The following CCN4 variants were observed in gnomAD, a reference collection of about 807,000 sequenced individuals.
CCN4 encodes the protein cellular communication network factor 4.
In CCN4, 30 loss-of-function variants were observed where a neutral mutation model predicts 36.7. The ratio of observed to expected loss-of-function variants is 0.82; its 90% confidence interval spans 0.61 to 1.11. CCN4 has a LOEUF of 1.11. CCN4 is among the 50% of genes least tolerant of loss of function. CCN4 has a pLI of 0.00. For missense variants in CCN4, 505 were observed against 504.9 expected (o/e 1.00, Z 0.00); for synonymous variants, 191 against 195.4 (o/e 0.98, Z 0.19).
intron 2 of CCN4, among the ~76,000 whole-genome samples, chr8:133,218,412 C>A (rs1401231237): frequency 2.0e-5 from 3 of 152,168 alleles, no homozygotes; most frequent in African/African-American, 4.8e-5. Flanking sequence ...GCTGTGGTCA[C>A]CTTGGACGCT....
intron 1 of CCN4, among the ~76,000 whole-genome samples, chr8:133,208,404 C>G (rs981805873): frequency 6.6e-6 from 1 of 152,202 alleles, no homozygotes; most frequent in Admixed American, 6.5e-5. Flanking sequence ...AAAGCCTGGA[C>G]TGGATACAGT....
At chr8:133,197,874 G>A (rs1464839602) in intron 1 of CCN4, among the ~76,000 whole-genome samples, 1 of 152,178 alleles carries the variant, frequency 6.6e-6, no homozygotes, top group African/African-American at 2.4e-5. Flanking sequence ...TGTGTGCTAT[G>A]AGCCTGCCCA....
At position 133,225,441 on chromosome 8, in the gene CCN4, G is replaced by GC. The variant is rs1198574497; in HGVS notation, c.666dup (p.Trp223LeufsTer20). ...CACAGGAACTGCATAGCCTACACAA[G>GC]CCCCTGGAGCCCTTGCTCCACCAGC... On this transcript the variant is annotated frameshift_variant, in exon 4 of 5. Transcript: ENST00000250160. LOFTEE classifies it high-confidence loss of function. 6.2e-7 allele frequency: 1 copy of GC among 1,613,758 alleles called. No individual in the cohort carries two copies. The highest frequency in any genetic ancestry group is 8.5e-7 in the Non-Finnish European group (1 of 1,179,870).
At chr8:133,195,086 G>A (rs1853325827) in intron 1 of CCN4, among the ~76,000 whole-genome samples, 1 of 149,892 alleles carries the variant, frequency 6.7e-6, no homozygotes, top group Non-Finnish European at 1.5e-5. Context: ...GTGTGCTTGT[G>A]TGTGTGTGGT....
At chr8:133,191,374 C>G (rs1394570285) in intron 1 of CCN4, among the ~76,000 whole-genome samples, 161 bp downstream of exon 1, 1 of 152,198 alleles carries the variant, frequency 6.6e-6, no homozygotes, top group African/African-American at 2.4e-5. Context: ...GAGGAGTCAG[C>G]TGCCCAGGTT....
intron 1 of CCN4, among the ~76,000 whole-genome samples, chr8:133,194,362 G>GT (rs1853237237): frequency 2.6e-5 from 3 of 115,138 alleles, no homozygotes; most frequent in Non-Finnish European, 1.9e-5. Flanking sequence ...GGTGGTGTGT[G>GT]GGGGTGTGTG....
Position 133,225,596 on chromosome 8 carries a change from C to A in CCN4, c.804+13C>A. 1 of 1,565,266 alleles carries A rather than the reference C, an allele frequency of 6.4e-7. No individual in the cohort carries two copies. Among genetic ancestry groups the A allele is most frequent in the Non-Finnish European group, 8.7e-7 (1 of 1,148,334 alleles). The stretch of plus-strand genomic sequence containing the variant: ...TACACTCATTAAGGTGGGTCCAGAG[C>A]AGGTGTGGATGTCTAGACTTCACAA... On this transcript the variant is annotated intron_variant, in intron 4 of 4. Transcript: ENST00000250160.
intron 2 of CCN4, 30 bp from the exon 3 acceptor site, chr8:133,220,551 C>T: frequency 6.2e-7 from 1 of 1,601,506 alleles, no homozygotes; most frequent in Non-Finnish European, 8.5e-7. Context: ...ACCAAGGCCA[C>T]TGGGCCTGAC....
rs1012213401 is a variant in CCN4, at chr8:133,207,362, C to A, written c.70-5502C>A. On this transcript the variant is annotated intron_variant, in intron 1 of 4. Coordinates refer to ENST00000250160, the MANE Select transcript of CCN4 (RefSeq NM_003882.4). Reference sequence around the variant, plus strand: ...AGAACCCTGAAGGGACAGGTACCCCCACATGGGGATCCAGCTATGTCCCAG... The same window carrying A: ...AGAACCCTGAAGGGACAGGTACCCCAACATGGGGATCCAGCTATGTCCCAG... 4.6e-5 allele frequency among the ~76,000 whole-genome samples: 7 copies of A among 152,362 alleles called. No individual in the cohort carries two copies. In the South Asian group the frequency reaches 1.2e-3, roughly 27 times the overall value.
chr8:133,223,119 A>C (rs915878610), intron 3 of CCN4, among the ~76,000 whole-genome samples: 7 of 152,012 alleles, frequency 4.6e-5, no homozygotes, highest in African/African-American at 1.7e-4. Context: ...GGATAGGAGG[A>C]GGCGTGGAGG....
intron 2 of CCN4, among the ~76,000 whole-genome samples, chr8:133,214,272 C>T (rs1387033833): frequency 0.02 from 1 of 50 alleles, no homozygotes; most frequent in Non-Finnish European, 0.026. Context: ...GATTTAGCTC[C>T]TCAATAACCA....
At chr8:133,207,099 AGGGACAGATTGG>A (rs1402424291) in intron 1 of CCN4, among the ~76,000 whole-genome samples, 1 of 152,220 alleles carries the variant, frequency 6.6e-6, no homozygotes, top group African/African-American at 2.4e-5. Flanking sequence ...CTGCTCATGC[AGGGACAGATTGG>A]GTAAAGGAGT....
At position 133,227,453 on chromosome 8, in the gene CCN4, A is replaced by C; in HGVS notation, c.847A>C (p.Met283Leu). ...GGCTGTGTACCAGCCAGAGGCATCC[A>C]TGAACTTCACACTTGCGGGCTGCAT... Reference protein sequence around the residue: ...CLAVYQPEASMNFTLAGCIST... With the variant: ...CLAVYQPEASLNFTLAGCIST... The change falls in exon 5 of 5, where the codon ATG (methionine) becomes CTG (leucine). Residue 283 changes from methionine (M) to leucine (L), a missense_variant. Coordinates refer to ENST00000250160, the MANE Select transcript of CCN4 (RefSeq NM_003882.4). 6.2e-7 allele frequency: 1 copy of C among 1,614,194 alleles called. No homozygotes were observed. Among genetic ancestry groups the C allele is most frequent in the South Asian group, 1.1e-5 (1 of 91,088 alleles).
At chr8:133,226,877 A>G (rs760979310) in intron 4 of CCN4, among the ~76,000 whole-genome samples, 13 of 152,262 alleles carry the variant, frequency 8.5e-5, no homozygotes, top group Non-Finnish European at 1.2e-4. Context: ...CAGAAAGAAC[A>G]GTAAATCTCA....
intron 2 of CCN4, among the ~76,000 whole-genome samples, chr8:133,216,779 T>C (rs982621326): frequency 2.0e-5 from 3 of 152,254 alleles, no homozygotes; most frequent in Non-Finnish European, 4.4e-5. Context: ...TACGTGACCA[T>C]GTGCACATCA....
intron 4 of CCN4, among the ~76,000 whole-genome samples, 183 bp from the exon 5 acceptor site, chr8:133,227,226 CCT>C (rs1854768593): frequency 6.6e-6 from 1 of 152,186 alleles, no homozygotes; most frequent in Non-Finnish European, 1.5e-5. Flanking sequence ...TCCATTTACC[CCT>C]GTGCGGTATG....
In CCN4 at chr8:133,229,393, G is replaced by T. The variant is rs1854871277; in HGVS notation, c.*1683G>T. 6.6e-6 allele frequency: 1 copy of T among 152,168 alleles called. No individual in the cohort carries two copies. Among genetic ancestry groups the T allele is most frequent in the Non-Finnish European group, 1.5e-5 (1 of 68,042 alleles). The allele number at this position is 152,168 out of a possible 1,614,324, so 9.4% of individuals were successfully genotyped here. A position where few individuals can be genotyped will look rare whatever the true frequency, so the allele number is the denominator to read the frequency against. The stretch of plus-strand genomic sequence containing the variant: ...AAAAGACGAGAATATCTGATTTTCT[G>T]ATAATTTAGGTGCTTAAGCATCCAA... On this transcript the variant is annotated 3_prime_UTR_variant, in exon 5 of 5. Transcript: ENST00000250160.
chr8:133,227,751 T>C lies in CCN4; in HGVS notation c.*41T>C. The C allele has an allele frequency of 1.3e-6, 2 of 1,584,104 alleles. No individual in the cohort carries two copies. The highest frequency in any genetic ancestry group is 1.7e-6 in the Non-Finnish European group (2 of 1,163,872). On this transcript the variant is annotated 3_prime_UTR_variant, in exon 5 of 5. Coordinates refer to ENST00000250160, the MANE Select transcript of CCN4 (RefSeq NM_003882.4). ...GGGTCTTGGGGACTAACCCAATGCC[T>C]GTGAAGCAGTCAGCCCTTATGGCCA...
At chr8:133,196,086 C>T (rs1266428802) in intron 1 of CCN4, among the ~76,000 whole-genome samples, 1 of 152,244 alleles carries the variant, frequency 6.6e-6, no homozygotes, top group African/African-American at 2.4e-5. Flanking sequence ...GCTGTCCCCT[C>T]ATTCAAGGAC....
Sources: allele counts gnomAD v4.1 joint callset (sites outside exome capture counted in the v4.1 genomes callset), GRCh38; gene constraint gnomAD v4.1.1; transcripts MANE v1.5; gene names NCBI Gene and HGNC (gene_info 2026-07-23, HGNC 2026-07-21).